CSMD1: variants seen among roughly 807,000 people sequenced by gnomAD.
CSMD1 encodes CUB and Sushi multiple domains 1.
A neutral mutation model predicts 417.5 loss-of-function variants in CSMD1; 213 were observed. The observed-to-expected ratio is 0.51, with a 90% CI of 0.46 to 0.57. CSMD1 has a LOEUF of 0.57. Among genes scored for constraint, CSMD1 ranks in the 20% least tolerant of loss-of-function variants. CSMD1 has a pLI of 0.00. For synonymous variants in CSMD1, 2,862 were observed against 1,736.8 expected, an observed-to-expected ratio of 1.65 and a Z score of -16.11; for missense variants, 6,923 against 4,529.7, an observed-to-expected ratio of 1.53 and a Z score of -15.17.
chr8:4,385,386 G>A (rs564180206), intron 3 of CSMD1, among the ~76,000 whole-genome samples: 1 of 152,180 alleles, frequency 6.6e-6, no homozygotes, highest in Non-Finnish European at 1.5e-5. Flanking sequence ...CTTAACATTT[G>A]TTCTGAAGGG....
chr8:4,784,613 T>C (rs1384248593), intron 1 of CSMD1, among the ~76,000 whole-genome samples: 1 of 152,224 alleles, frequency 6.6e-6, no homozygotes, highest in Non-Finnish European at 1.5e-5. Flanking sequence ...AATTTCTTTT[T>C]TCACCGATGG....
chr8:3,839,669 G>A (rs201158072), intron 5 of CSMD1, among the ~76,000 whole-genome samples: 1 of 139,218 alleles, frequency 7.2e-6, no homozygotes, highest in Non-Finnish European at 1.5e-5. Flanking sequence ...AAAAAAAAAA[G>A]AATCTATCTC....
chr8:3,738,362 C>T (rs559212127), intron 6 of CSMD1, among the ~76,000 whole-genome samples: 60 of 152,268 alleles, frequency 3.9e-4, no homozygotes, highest in African/African-American at 1.4e-3. Flanking sequence ...TGGGGCCTGG[C>T]AAAAATAACT....
intron 42 of CSMD1, among the ~76,000 whole-genome samples, chr8:3,115,531 A>G (rs567748278): frequency 2.0e-5 from 3 of 152,072 alleles, no homozygotes; most frequent in African/African-American, 4.8e-5. Flanking sequence ...TAATTTTTTA[A>G]CTGAGACTTC....
At chr8:3,399,551 C>T in intron 15 of CSMD1, 22 bp from the exon 16 acceptor site, 1 of 1,547,208 alleles carries the variant, frequency 6.5e-7, no homozygotes, top group Non-Finnish European at 8.7e-7. Flanking sequence ...CGTAGAATAT[C>T]TATTAGATCC....
At position 3,508,166 on chromosome 8, in the gene CSMD1, T is replaced by A. The variant is rs188439655; in HGVS notation, c.1345-14440A>T. Among the ~76,000 whole-genome samples, 728 of 152,240 alleles carry A rather than the reference T, an allele frequency of 4.8e-3. 5 individuals carry two copies. The highest frequency in any genetic ancestry group is 0.025 in the South Asian group (122 of 4,814). ...ACATGTTCTCACTCATAGGTGGGAA[T>A]TGAACAATGACCAACCTCCTTGTCT... On this transcript the variant is annotated intron_variant, in intron 10 of 69. Coordinates refer to ENST00000635120, the MANE Select transcript of CSMD1 (RefSeq NM_033225.6).
At chr8:3,188,077 CATATGTATATG>C (rs1796172441) in intron 35 of CSMD1, 112 bp from the exon 36 acceptor site, 1 of 387,634 alleles carries the variant, frequency 2.6e-6, no homozygotes, top group Non-Finnish European at 4.6e-6. Flanking sequence ...TATATATATA[CATATGTATATG>C]TATATATATA....
At chr8:3,267,609 C>T (rs964536859) in intron 26 of CSMD1, among the ~76,000 whole-genome samples, 2 of 152,102 alleles carry the variant, frequency 1.3e-5, no homozygotes, top group African/African-American at 4.8e-5. Context: ...GGCATCGCTG[C>T]TGATAGGAAA....
chr8:4,703,309 G>T (rs908686317), intron 1 of CSMD1, among the ~76,000 whole-genome samples: 1 of 152,102 alleles, frequency 6.6e-6, no homozygotes, highest in Non-Finnish European at 1.5e-5. Context: ...AATCTTCTCA[G>T]AAAGTTTTTC....
Position 4,864,965 on chromosome 8 carries a change from T to C in CSMD1, c.85+129367A>G, listed in dbSNP as rs201844671. On this transcript the variant is annotated intron_variant, in intron 1 of 69. Transcript: ENST00000635120. ...TATTCTGAAAGACATATTTAAATAT[T>C]ATAATATTATTATATAATTTGAAAA... Among the ~76,000 whole-genome samples the C allele has an allele frequency of 6.8e-4, 5 of 7,406 alleles. No individual in the cohort carries two copies. The East Asian group carries it at 0.13, about 197-fold the overall frequency. 4.9% of individuals were successfully genotyped at this position (7,406 alleles called of 152,430 possible).
chr8:4,423,450 A>T (rs567429329), intron 2 of CSMD1, among the ~76,000 whole-genome samples: 2 of 152,228 alleles, frequency 1.3e-5, no homozygotes, highest in African/African-American at 4.8e-5. Flanking sequence ...GAAATACATC[A>T]ATCACAACAG....
chr8:3,076,023 C>T (rs1350097658), intron 49 of CSMD1, among the ~76,000 whole-genome samples: 1 of 151,434 alleles, frequency 6.6e-6, no homozygotes, highest in Non-Finnish European at 1.5e-5. Flanking sequence ...TGCACTCTAG[C>T]CTGGGCGACA....
chr8:3,764,736 TTTC>T (rs1488312441), intron 5 of CSMD1, among the ~76,000 whole-genome samples: 6 of 72,982 alleles, frequency 8.2e-5, no homozygotes, highest in Non-Finnish European at 1.3e-4. Flanking sequence ...CCCTTTTCTC[TTTC>T]TTTTTTTTTT....
At chr8:4,881,160 G>C (rs1338958677) in intron 1 of CSMD1, among the ~76,000 whole-genome samples, 3 of 151,994 alleles carry the variant, frequency 2.0e-5, no homozygotes, top group Admixed American at 1.3e-4. Context: ...TTCACTTTGA[G>C]TTTCTAGATT....
At chr8:4,075,572 C>A (rs150044428) in intron 3 of CSMD1, among the ~76,000 whole-genome samples, 1 of 152,026 alleles carries the variant, frequency 6.6e-6, no homozygotes, top group African/African-American at 2.4e-5. Context: ...AAATATTAAA[C>A]GATGATTAAT....
At chr8:2,963,161 TG>T in intron 60 of CSMD1, 60 bp downstream of exon 60, 1 of 1,570,552 alleles carries the variant, frequency 6.4e-7, no homozygotes, top group Non-Finnish European at 8.7e-7. Flanking sequence ...GGATGTGCCC[TG>T]GTTATCCGTC....
At chr8:4,068,181 G>C (rs942541225) in intron 3 of CSMD1, among the ~76,000 whole-genome samples, 2 of 152,196 alleles carry the variant, frequency 1.3e-5, no homozygotes, top group African/African-American at 4.8e-5. Context: ...CTTAGGAAAG[G>C]GGTGGCAGAA....
intron 1 of CSMD1, among the ~76,000 whole-genome samples, chr8:4,849,922 C>G (rs1183620971): frequency 6.6e-6 from 1 of 152,272 alleles, no homozygotes; most frequent in Admixed American, 6.5e-5. Flanking sequence ...TATTATGATG[C>G]TATGTTTAAA....
intron 3 of CSMD1, among the ~76,000 whole-genome samples, chr8:4,182,101 T>G (rs1003748408): frequency 3.9e-5 from 6 of 151,928 alleles, no homozygotes; most frequent in African/African-American, 1.5e-4. Context: ...GAATAGCATT[T>G]CAATGCTAAA....
Sources: allele counts gnomAD v4.1 joint callset (sites outside exome capture counted in the v4.1 genomes callset), GRCh38; gene constraint gnomAD v4.1.1; transcripts MANE v1.5; gene names NCBI Gene and HGNC (gene_info 2026-07-23, HGNC 2026-07-21).